MYBBP1A: variants seen among roughly 807,000 people sequenced by gnomAD.
MYBBP1A encodes the protein myb-binding protein 1A.
MYBBP1A carries 147 observed loss-of-function variants against 136.3 expected under a neutral mutation model. That is an observed-to-expected ratio of 1.08 (90% CI 0.94 to 1.24). The LOEUF (loss-of-function observed/expected upper bound fraction) is 1.24, where lower values mean the gene tolerates loss of function less well. MYBBP1A is among the 50% of genes most tolerant of loss of function. The pLI is 0.00. For synonymous variants in MYBBP1A, 947 were observed against 735.8 expected, an observed-to-expected ratio of 1.29 and a Z score of -4.65; for missense variants, 2,060 against 1,727.4, an observed-to-expected ratio of 1.19 and a Z score of -3.41.
rs1907596537 is a variant in MYBBP1A at position 4,552,330 on chromosome 17, C to G, written c.738-38G>C. The G allele has an allele frequency of 6.2e-7, 1 of 1,611,598 alleles. No homozygotes were observed. On this transcript the variant is annotated intron_variant, in intron 6 of 25. Coordinates refer to ENST00000254718, the MANE Select transcript of MYBBP1A (RefSeq NM_014520.4). The surrounding 1 kb of genome is among the most constrained non-coding windows in gnomAD (Gnocchi z 4.7). ...AGGGACTCAGGGAACACTTGCCTCA[C>G]AGGCAAGGGCCAGGGTGACAAGAGC...
At position 4,540,447 on chromosome 17, in the gene MYBBP1A, A is replaced by G; in HGVS notation, c.3335T>C (p.Leu1112Pro). 1.9e-6 allele frequency: 3 copies of G among 1,610,944 alleles called. No homozygotes were observed. The highest frequency in any genetic ancestry group is 1.3e-5 in the African/African-American group (1 of 74,984). Reference protein sequence around the residue: ...TLDLTVLLGVLQGQQQSLQQG... With the variant: ...TLDLTVLLGVPQGQQQSLQQG... Reference sequence around the variant, plus strand: ...CTGTAGGCTCTGCTGTTGCCCCTGCAGCACACCCAGGAGCACCGTCAGGTC... The same window carrying G: ...CTGTAGGCTCTGCTGTTGCCCCTGCGGCACACCCAGGAGCACCGTCAGGTC... Residue 1112 changes from leucine to proline, a missense_variant, in exon 25 of 26, where the codon CTG becomes CCG. Physicochemically the swap from Leu to Pro is moderately conservative, Grantham distance 98. Coordinates refer to ENST00000254718, the MANE Select transcript of MYBBP1A (RefSeq NM_014520.4).
Position 4,548,547 on chromosome 17 carries a change from C to A in MYBBP1A, c.1533G>T (p.Glu511Asp). 1 of 1,614,180 alleles carries A rather than the reference C, an allele frequency of 6.2e-7. No individual in the cohort carries two copies. The highest frequency in any genetic ancestry group is 8.5e-7 in the Non-Finnish European group (1 of 1,180,044). Residue 511 changes from glutamate to aspartate, a missense_variant, in exon 11 of 26, where the codon GAG becomes GAT. By Grantham distance (45) the Glu-to-Asp change is conservative. Coordinates refer to ENST00000254718, the MANE Select transcript of MYBBP1A (RefSeq NM_014520.4). This position sits in a 1 kb window ranked among gnomAD's most constrained non-coding sequence, Gnocchi z 4.2. ...ACCTGAAGAAGGCACTGCTGACAGC[C>A]TCTCGGGCCTGGTTTTCCAAAGGGA... Reference protein sequence around the residue: ...FSFPLENQAREAVSSAFFSLL... With the variant: ...FSFPLENQARDAVSSAFFSLL...
chr17:4,545,220 C>A, intron 16 of MYBBP1A, 39 bp downstream of exon 16: 1 of 1,612,946 alleles, frequency 6.2e-7, no homozygotes, highest in Non-Finnish European at 8.5e-7. Context: ...CCGATCGTCC[C>A]ACTCCCCACC....
chr17:4,539,362 A>G lies in MYBBP1A; in HGVS notation c.*53T>C. 6.7e-7 allele frequency: 1 copy of G among 1,491,562 alleles called. No individual in the cohort carries two copies. The highest frequency in any genetic ancestry group is 8.9e-7 in the Non-Finnish European group (1 of 1,124,128). 92.4% of individuals were successfully genotyped at this position (1,491,562 alleles called of 1,614,324 possible). ...CATGGTTTAAAAAAAAAAAAAAAAA[A>G]TAGGCGTCTCAGGCAGATGGAGGCA... On this transcript the variant is annotated 3_prime_UTR_variant, in exon 26 of 26. Transcript: ENST00000254718.
rs779319123 is a variant in MYBBP1A, at chr17:4,539,826, C to CGCTGGCGTGCCATCCTCT, written c.3558_3575dup (p.Glu1193_Ala1198dup). On this transcript the variant is annotated inframe_insertion, in exon 26 of 26. Transcript: ENST00000254718. ...CGGTGGCTGCAGGTGTGCCATCCTC[C>CGCTGGCGTGCCATCCTCT]GCTGGCGTGCCATCCTCTGACTTGC... 1.9e-5 allele frequency: 31 copies of CGCTGGCGTGCCATCCTCT among 1,610,698 alleles called. No homozygotes were observed. Among genetic ancestry groups the CGCTGGCGTGCCATCCTCT allele is most frequent in the Non-Finnish European group, 2.6e-5 (31 of 1,179,978 alleles).
At chr17:4,540,921 G>A (rs974284755) in intron 24 of MYBBP1A, among the ~76,000 whole-genome samples, 1 of 117,378 alleles carries the variant, frequency 8.5e-6, no homozygotes, top group African/African-American at 2.6e-5. Context: ...AGCCAGTTTT[G>A]TAAGGCCCCG....
Position 4,545,053 on chromosome 17 carries a change from C to G in MYBBP1A, c.2283G>C (p.Met761Ile), listed in dbSNP as rs774287395. Residue 761 changes from methionine (M) to isoleucine (I), a missense_variant, in exon 17 of 26, where the codon ATG becomes ATC. Transcript: ENST00000254718. Reference protein sequence around the residue: ...DVDQGFREQLMTVLQAGKALG... With the variant: ...DVDQGFREQLITVLQAGKALG... Reference sequence around the variant, plus strand: ...GCGCCTTCCCAGCCTGCAGCACGGTCATCAGCTGTTCCCGGAAGCCCTGAT... The same window carrying G: ...GCGCCTTCCCAGCCTGCAGCACGGTGATCAGCTGTTCCCGGAAGCCCTGAT... The G allele has an allele frequency of 1.3e-6, 2 of 1,542,826 alleles. No homozygotes were observed. Among genetic ancestry groups the G allele is most frequent in the South Asian group, 2.4e-5 (2 of 84,200 alleles).
In MYBBP1A at chr17:4,552,040, CCCCTGGTGG is replaced by C. The variant is rs777777670; in HGVS notation, c.906-52_906-44del. On this transcript the variant is annotated intron_variant, in intron 7 of 25. Transcript: ENST00000254718. The surrounding 1 kb of genome is among the most constrained non-coding windows in gnomAD (Gnocchi z 4.7). ...CAGAGCCTGGTCAGAGCCCTTGGTG[CCCCTGGTGG>C]GAACCTCAGGACTAGTGGCCTAGCC... 1.8e-5 allele frequency: 29 copies of C among 1,593,990 alleles called. No individual in the cohort carries two copies. The highest frequency in any genetic ancestry group is 2.3e-5 in the Non-Finnish European group (27 of 1,167,188).
In MYBBP1A at chr17:4,549,451, G is replaced by A. The variant is rs1460158148; in HGVS notation, c.1320-9C>T. 1 of 1,610,518 alleles carries A rather than the reference G, an allele frequency of 6.2e-7. No homozygotes were observed. The highest frequency in any genetic ancestry group is 2.2e-5 in the East Asian group (1 of 44,810). ...ACACAGCTCGCTCAGGCCTAGCGGG[G>A]CAGGAGGCGAGGTCATGTGAGCCAC... On this transcript the variant is annotated splice_polypyrimidine_tract_variant and intron_variant, in intron 9 of 25. Coordinates refer to ENST00000254718, the MANE Select transcript of MYBBP1A (RefSeq NM_014520.4).
chr17:4,542,215 G>A, intron 22 of MYBBP1A: 2 of 586,192 alleles, frequency 3.4e-6, no homozygotes, highest in Non-Finnish European at 6.0e-6. Context: ...GTGGCCAGAT[G>A]GGCAGCAGTG....
chr17:4,541,490 G>A lies in MYBBP1A; in HGVS notation c.3270C>T (p.Asn1090=), dbSNP rs200481936. 145 of 1,613,526 alleles carry A rather than the reference G, an allele frequency of 9.0e-5. No individual in the cohort carries two copies. Among genetic ancestry groups the A allele is most frequent in the South Asian group, 7.4e-4 (67 of 91,090 alleles). Residue 1090 remains asparagine (N), a synonymous_variant, in exon 24 of 26, where the codon AAC becomes AAT. Coordinates refer to ENST00000254718, the MANE Select transcript of MYBBP1A (RefSeq NM_014520.4). The stretch of plus-strand genomic sequence containing the variant: ...CATGTTTGCAGGTCCTGAAGAGAAC[G>A]TTGAGCAGCTCCAGGGAGGACAGTG... ...QQALSSLELL[N]VLFRTCKHEK...
In MYBBP1A at chr17:4,539,025, T is replaced by C; in HGVS notation, c.*390A>G. The C allele has an allele frequency of 1.2e-6, 1 of 848,578 alleles. No homozygotes were observed. Among genetic ancestry groups the C allele is most frequent in the Non-Finnish European group, 2.1e-6 (1 of 481,120 alleles). 52.6% of individuals were successfully genotyped at this position (848,578 alleles called of 1,614,324 possible). ...CCTCTTGTAAATGAAGAAATAAACC[T>C]ATTTAAATCACCCCCTGGTGGCTCC... On this transcript the variant is annotated 3_prime_UTR_variant, in exon 26 of 26. Transcript: ENST00000254718.
At chr17:4,554,407 A>T (rs1907839359) in intron 2 of MYBBP1A, 129 bp from the exon 3 acceptor site, 3 of 713,990 alleles carry the variant, frequency 4.2e-6, no homozygotes, top group Admixed American at 2.7e-5. Flanking sequence ...CCCACCTTCT[A>T]TGTACCTTCT....
intron 19 of MYBBP1A, among the ~76,000 whole-genome samples, chr17:4,544,196 C>T (rs1040616282): frequency 2.8e-5 from 4 of 142,566 alleles, no homozygotes; most frequent in African/African-American, 1.2e-4. Context: ...GGATGGACCC[C>T]AGCTCCAGGG....
At position 4,552,700 on chromosome 17, in the gene MYBBP1A, T is replaced by C; in HGVS notation, c.562-74A>G. 1.4e-6 allele frequency: 2 copies of C among 1,407,424 alleles called. No individual in the cohort carries two copies. The highest frequency in any genetic ancestry group is 2.0e-6 in the Non-Finnish European group (2 of 1,025,564). 87.2% of individuals were successfully genotyped at this position (1,407,424 alleles called of 1,614,324 possible). ...TGGTGGATCCTGTTCTACCTGCTCC[T>C]GACACGGGGCCACCTGGTGAGGTAT... On this transcript the variant is annotated intron_variant, in intron 5 of 25. Transcript: ENST00000254718. This position sits in a 1 kb window ranked among gnomAD's most constrained non-coding sequence, Gnocchi z 4.7.
Position 4,539,602 on chromosome 17 carries a change from G to GAC in MYBBP1A, c.3798_3799dup (p.Ser1267CysfsTer57). ...CTTTTGGCCTGCAGGTTCCGTGGGGGACCCGGGAGCTCCATTCACCTGGGA... is the reference window on the plus strand; with the variant it reads ...CTTTTGGCCTGCAGGTTCCGTGGGGGACACCCGGGAGCTCCATTCACCTGGGA... On this transcript the variant is annotated frameshift_variant, in exon 26 of 26. Coordinates refer to ENST00000254718, the MANE Select transcript of MYBBP1A (RefSeq NM_014520.4). LOFTEE classifies it low-confidence loss of function (END_TRUNC). 6.2e-7 allele frequency: 1 copy of GAC among 1,614,110 alleles called. No individual in the cohort carries two copies. The highest frequency in any genetic ancestry group is 1.1e-5 in the South Asian group (1 of 91,080).
intron 2 of MYBBP1A, among the ~76,000 whole-genome samples, 180 bp downstream of exon 2, chr17:4,554,681 C>T (rs140585803): frequency 3.0e-3 from 461 of 152,330 alleles, no homozygotes; most frequent in Middle Eastern, 0.01. Context: ...CCAGGCCTTG[C>T]TCACACCTTC....
At chr17:4,542,884 G>C (rs1470283558) in intron 20 of MYBBP1A, 29 bp downstream of exon 20, 5 of 1,612,368 alleles carry the variant, frequency 3.1e-6, no homozygotes, top group Admixed American at 1.7e-5. Context: ...GAAATGCCTG[G>C]GGCTGCTCCT....
In MYBBP1A at chr17:4,548,171, T is replaced by C. The variant is rs1907165808; in HGVS notation, c.1696A>G (p.Thr566Ala). The C allele has an allele frequency of 6.2e-7, 1 of 1,605,578 alleles. No individual in the cohort carries two copies. Residue 566 changes from threonine (T) to alanine (A), a missense_variant, in exon 12 of 26, where the codon ACT becomes GCT. By Grantham distance (58) the Thr-to-Ala change is moderately conservative (BLOSUM62 0). Transcript: ENST00000254718. The surrounding 1 kb of genome is among the most constrained non-coding windows in gnomAD (Gnocchi z 4.2). ...TCCCAGGCCTGGCGCTGCTGCGCAG[T>C]GAAGGGTGTCACGGTGGTCACGTTG... ...SHNVTTVTPF[T>A]AQQRQAWDRM...
Sources: gnomAD v4.1 joint callset for allele counts (sites outside exome capture counted in the v4.1 genomes callset) on GRCh38, gnomAD v4.1.1 for gene constraint, Gnocchi (gnomAD v3.1) non-coding constraint, MANE v1.5 for transcripts, NCBI Gene and HGNC (gene_info 2026-07-23, HGNC 2026-07-21) for gene names.